Variants in DEK observed in about 807,000 individuals in gnomAD.
DEK encodes the protein protein DEK.
Under a neutral mutation model 46.8 loss-of-function variants are expected in DEK, and 28 were observed. The observed-to-expected ratio is 0.60, with a 90% CI of 0.44 to 0.82. The LOEUF is 0.82. DEK is among the 40% of genes least tolerant of loss of function. The probability of loss-of-function intolerance (pLI) is 0.00; values close to 1 mark genes in which losing one functional copy is unlikely to be tolerated. For synonymous variants in DEK, 160 were observed against 144.5 expected (o/e 1.11, Z -0.77); for missense variants, 416 against 430.6 (o/e 0.97, Z 0.30).
intron 9 of DEK, among the ~76,000 whole-genome samples, chr6:18,234,137 T>C (rs990492644): frequency 7.9e-6 from 1 of 127,096 alleles, no homozygotes; most frequent in African/African-American, 3.1e-5. Flanking sequence ...AATTGAACAA[T>C]GAGAACGCTT....
chr6:18,230,417 A>G (rs1004572926), intron 9 of DEK, among the ~76,000 whole-genome samples: 2 of 152,260 alleles, frequency 1.3e-5, no homozygotes, highest in African/African-American at 4.8e-5. Context: ...TGCTCCAATT[A>G]AAAGACACAG....
intron 9 of DEK, among the ~76,000 whole-genome samples, chr6:18,232,625 T>C (rs1301952853): frequency 6.6e-6 from 1 of 151,824 alleles, no homozygotes; most frequent in East Asian, 1.9e-4. Context: ...TTCAAAGAGA[T>C]TAAAATACCT....
intron 9 of DEK, among the ~76,000 whole-genome samples, chr6:18,227,965 C>T (rs907465482): frequency 1.3e-5 from 2 of 152,140 alleles, no homozygotes; most frequent in Admixed American, 1.3e-4. Flanking sequence ...CAGGTGGTCT[C>T]AAGAGTCCTG....
Position 18,237,171 on chromosome 6 carries a change from CTCTG to C in DEK, c.898+206_898+209del, listed in dbSNP as rs1184178190. 193 of 434,084 alleles carry C rather than the reference CTCTG, an allele frequency of 4.4e-4. 1 individual carries two copies. The highest frequency in any genetic ancestry group is 3.4e-3 in the African/African-American group (166 of 48,336). The allele number at this position is 434,084 out of a possible 1,614,324, so 26.9% of individuals were successfully genotyped here. On this transcript the variant is annotated intron_variant, in intron 8 of 10. Transcript: ENST00000652689. ...GGTCCCATCCCCAAGATATCTCTCT[CTCTG>C]TCTCTCTCTCTATATATATATATTG... is the stretch of plus-strand genomic sequence containing the variant.
At chr6:18,227,010 A>AGTAC (rs1414741839) in intron 9 of DEK, among the ~76,000 whole-genome samples, 2 of 152,214 alleles carry the variant, frequency 1.3e-5, no homozygotes, top group Admixed American at 6.5e-5. Context: ...CCTAATCTCA[A>AGTAC]GTACCCAGGG....
At chr6:18,245,404 GA>G (rs1791069321) in intron 7 of DEK, among the ~76,000 whole-genome samples, 1 of 151,120 alleles carries the variant, frequency 6.6e-6, no homozygotes, top group African/African-American at 2.4e-5. Context: ...CTCCTGTTTC[GA>G]ACATTATTAG....
At chr6:18,249,987 C>T (rs80090873) in intron 6 of DEK, 148 bp from the exon 7 acceptor site, 59 of 1,293,764 alleles carry the variant, frequency 4.6e-5, no homozygotes, top group Non-Finnish European at 5.7e-5. Context: ...AATCTTTAAC[C>T]GTGTCAGGTT....
chr6:18,232,909 G>GTT (rs1561975084), intron 9 of DEK, among the ~76,000 whole-genome samples: 1 of 152,166 alleles, frequency 6.6e-6, no homozygotes, highest in Admixed American at 6.5e-5. Flanking sequence ...TAAGCCAAAA[G>GTT]AACAAAGCTG....
At chr6:18,252,530 A>AAAG (rs1213974253) in intron 6 of DEK, among the ~76,000 whole-genome samples, 57 of 150,814 alleles carry the variant, frequency 3.8e-4, no homozygotes, top group African/African-American at 1.2e-3. Context: ...AAAAAAAAAA[A>AAAG]AAAAAGAAAA....
At chr6:18,230,968 T>C (rs528830121) in intron 9 of DEK, among the ~76,000 whole-genome samples, 12 of 152,226 alleles carry the variant, frequency 7.9e-5, no homozygotes, top group Middle Eastern at 3.4e-3. Context: ...ATTGACCACA[T>C]AGTTGGAAGT....
intron 8 of DEK, 109 bp downstream of exon 8, chr6:18,237,272 A>T (rs911462665): frequency 1.5e-6 from 2 of 1,308,380 alleles, no homozygotes; most frequent in Non-Finnish European, 1.0e-6. Flanking sequence ...TTCTCCCCGC[A>T]ATGTTCTCTG....
At chr6:18,229,834 T>C (rs1439374881) in intron 9 of DEK, among the ~76,000 whole-genome samples, 1 of 152,060 alleles carries the variant, frequency 6.6e-6, no homozygotes, top group Non-Finnish European at 1.5e-5. Context: ...ACTTCCCCAA[T>C]CTAGCAAGGC....
chr6:18,257,911 GAAGT>G (rs778445728), intron 4 of DEK, 38 bp downstream of exon 4: 2 of 1,388,340 alleles, frequency 1.4e-6, no homozygotes, highest in Non-Finnish European at 2.0e-6. Context: ...ATTCCATTGT[GAAGT>G]AATATACAAG....
At chr6:18,242,957 G>A (rs910185383) in intron 7 of DEK, among the ~76,000 whole-genome samples, 2 of 152,084 alleles carry the variant, frequency 1.3e-5, no homozygotes, top group African/African-American at 4.8e-5. Flanking sequence ...CAGGATAAGT[G>A]CTTAGTTATG....
At chr6:18,247,829 C>T (rs748840930) in intron 7 of DEK, among the ~76,000 whole-genome samples, 76 of 152,024 alleles carry the variant, frequency 5.0e-4, no homozygotes, top group Non-Finnish European at 8.2e-4. Flanking sequence ...TGCACCACCA[C>T]GCCCAGCTAA....
In DEK at chr6:18,225,365, T is replaced by C. The variant is rs1790066238; in HGVS notation, c.*354A>G. 3.8e-6 allele frequency: 1 copy of C among 264,026 alleles called. No homozygotes were observed. The highest frequency in any genetic ancestry group is 1.1e-3 in the Middle Eastern group (1 of 916). The allele number at this position is 264,026 out of a possible 1,614,324, so 16.4% of individuals were successfully genotyped here. ...TAAATCCTGGTGATAATAGTTTTTGTTCTACTTGATTAAAAGTATGCCTTA... is the reference window on the plus strand; with the variant it reads ...TAAATCCTGGTGATAATAGTTTTTGCTCTACTTGATTAAAAGTATGCCTTA... On this transcript the variant is annotated 3_prime_UTR_variant, in exon 11 of 11. Transcript: ENST00000652689.
At chr6:18,234,080 C>T (rs549882457) in intron 9 of DEK, among the ~76,000 whole-genome samples, 3 of 151,478 alleles carry the variant, frequency 2.0e-5, no homozygotes, top group East Asian at 2.0e-4. Context: ...AGCAAACTAT[C>T]GCAAGGACAG....
intron 7 of DEK, among the ~76,000 whole-genome samples, chr6:18,244,973 T>C (rs964118980): frequency 1.3e-5 from 2 of 152,196 alleles, no homozygotes; most frequent in African/African-American, 4.8e-5. Flanking sequence ...TAATGGAGTT[T>C]CTCTGACTTG....
At position 18,224,439 on chromosome 6, in the gene DEK, A is replaced by C. The variant is rs190812256; in HGVS notation, c.*1280T>G. On this transcript the variant is annotated 3_prime_UTR_variant, in exon 11 of 11. Transcript: ENST00000652689. ...ACAAATGTGTCATTGTGTCATAAAC[A>C]GCATGTTTTAAAATTCAGATTTAAT... 11 of 193,014 alleles carry C rather than the reference A, an allele frequency of 5.7e-5. No individual in the cohort carries two copies. Among genetic ancestry groups the C allele is most frequent in the South Asian group, 3.9e-4 (2 of 5,178 alleles). The allele number at this position is 193,014 out of a possible 1,614,324, so 12.0% of individuals were successfully genotyped here.
Sources: gnomAD v4.1 joint callset for allele counts (sites outside exome capture counted in the v4.1 genomes callset) on GRCh38, gnomAD v4.1.1 for gene constraint, MANE v1.5 for transcripts, NCBI Gene and HGNC (gene_info 2026-07-23, HGNC 2026-07-21) for gene names.